TNPO3: variants seen among roughly 807,000 people sequenced by gnomAD.
TNPO3 encodes the protein transportin 3.
In TNPO3, 65 loss-of-function variants were observed where a neutral mutation model predicts 122.8. That is an observed-to-expected ratio of 0.53 (90% CI 0.43 to 0.65). TNPO3 has a LOEUF of 0.65. TNPO3 is among the 30% of genes least tolerant of loss of function. The pLI, the probability that TNPO3 is intolerant of heterozygous loss-of-function variation, is 0.00. For missense variants in TNPO3, 850 were observed against 1,136.7 expected (o/e 0.75, Z 3.63); for synonymous variants, 372 against 411.2 (o/e 0.90, Z 1.15).
intron 4 of TNPO3, among the ~76,000 whole-genome samples, chr7:129,013,434 CAAAAAAA>C (rs3993440): frequency 7.8e-6 from 1 of 127,702 alleles, no homozygotes; most frequent in Non-Finnish European, 1.6e-5. Context: ...CAAATAATAG[CAAAAAAA>C]AAAAAAAATT....
At chr7:129,034,860 ACTCCAGC>A (rs1806406886) in intron 1 of TNPO3, among the ~76,000 whole-genome samples, 1 of 139,128 alleles carries the variant, frequency 7.2e-6, no homozygotes, top group Non-Finnish European at 1.5e-5. Context: ...GCGCCACTGC[ACTCCAGC>A]CTGGGCAACA....
chr7:128,968,713 A>C (rs889399961), intron 20 of TNPO3, among the ~76,000 whole-genome samples: 1 of 152,120 alleles, frequency 6.6e-6, no homozygotes, highest in Non-Finnish European at 1.5e-5. Flanking sequence ...GTTATATAGC[A>C]AACTTTTTCT....
chr7:129,042,198 T>C (rs1170005929), intron 1 of TNPO3, among the ~76,000 whole-genome samples: 2 of 152,228 alleles, frequency 1.3e-5, no homozygotes, highest in African/African-American at 4.8e-5. Flanking sequence ...AATAAAGTTC[T>C]GGAAATACAG....
intron 1 of TNPO3, among the ~76,000 whole-genome samples, chr7:129,052,816 T>A (rs1410267114): frequency 6.6e-6 from 1 of 152,208 alleles, no homozygotes; most frequent in Non-Finnish European, 1.5e-5. Flanking sequence ...CAGGTTTAAT[T>A]AGAAAGAGAT....
At chr7:129,010,552 C>T (rs1282900145) in intron 4 of TNPO3, among the ~76,000 whole-genome samples, 2 of 152,106 alleles carry the variant, frequency 1.3e-5, no homozygotes, top group African/African-American at 4.8e-5. Flanking sequence ...ATTGAACATT[C>T]ATAAACTAAC....
chr7:129,016,939 T>C (rs1803920182), intron 3 of TNPO3, 44 bp downstream of exon 3: 1 of 1,566,930 alleles, frequency 6.4e-7, no homozygotes, highest in Non-Finnish European at 8.8e-7. Context: ...TGTAGGTTAA[T>C]GGCAATTCCA....
intron 21 of TNPO3, among the ~76,000 whole-genome samples, chr7:128,957,700 G>C (rs779562188): frequency 1.3e-5 from 2 of 152,158 alleles, no homozygotes; most frequent in Non-Finnish European, 2.9e-5. Context: ...ATAGAGCAGT[G>C]AACAAAATAG....
At chr7:129,011,867 T>C (rs1228719131) in intron 4 of TNPO3, among the ~76,000 whole-genome samples, 2 of 152,212 alleles carry the variant, frequency 1.3e-5, no homozygotes, top group Non-Finnish European at 2.9e-5. Flanking sequence ...GATCTCCAGA[T>C]GGTTTGAGTG....
At chr7:129,049,017 C>G (rs1808385487) in intron 1 of TNPO3, among the ~76,000 whole-genome samples, 1 of 152,202 alleles carries the variant, frequency 6.6e-6, no homozygotes, top group African/African-American at 2.4e-5. Flanking sequence ...GTTCTCTAGG[C>G]ATTCATTGGG....
intron 12 of TNPO3, among the ~76,000 whole-genome samples, chr7:128,984,840 C>T (rs966785665): frequency 2.6e-5 from 4 of 152,136 alleles, no homozygotes; most frequent in African/African-American, 4.8e-5. Flanking sequence ...AAAAAAGTTA[C>T]AAAAGCCTCC....
intron 7 of TNPO3, among the ~76,000 whole-genome samples, chr7:128,998,004 ATT>A (rs71162546): frequency 1.7e-4 from 22 of 129,396 alleles, no homozygotes; most frequent in Admixed American, 4.0e-4. Context: ...AGCTCAGCTA[ATT>A]TTTTTTTTTT....
intron 1 of TNPO3, among the ~76,000 whole-genome samples, chr7:129,044,752 G>A (rs371415170): frequency 6.6e-6 from 1 of 152,320 alleles, no homozygotes; most frequent in East Asian, 1.9e-4. Context: ...TTGTTTTTAA[G>A]TTTAACAGAG....
chr7:128,989,715 A>G (rs1446648240), intron 11 of TNPO3, among the ~76,000 whole-genome samples: 1 of 152,234 alleles, frequency 6.6e-6, no homozygotes, highest in Non-Finnish European at 1.5e-5. Flanking sequence ...TAAACAGAGT[A>G]CTAGAAGCAA....
chr7:128,989,111 AAAAG>A (rs1405690026), intron 11 of TNPO3, among the ~76,000 whole-genome samples: 1 of 152,136 alleles, frequency 6.6e-6, no homozygotes, highest in Non-Finnish European at 1.5e-5. Flanking sequence ...AACAACAAAA[AAAAG>A]AAATAGTACG....
Position 129,000,581 on chromosome 7 carries a change from G to C in TNPO3, c.873-14C>G, listed in dbSNP as rs1478615643. 1 of 1,608,966 alleles carries C rather than the reference G, an allele frequency of 6.2e-7. No individual in the cohort carries two copies. The highest frequency in any genetic ancestry group is 1.3e-5 in the African/African-American group (1 of 74,778). On this transcript the variant is annotated splice_polypyrimidine_tract_variant and intron_variant, in intron 6 of 22. Coordinates refer to ENST00000265388, the MANE Select transcript of TNPO3 (RefSeq NM_012470.4). The stretch of plus-strand genomic sequence containing the variant: ...TAATTCAGAACTCTGTAGAAGACAG[G>C]GGAATGAGAACAATGAGTCAGAAAT...
chr7:129,033,468 T>G (rs1428560036), intron 1 of TNPO3, among the ~76,000 whole-genome samples: 1 of 152,114 alleles, frequency 6.6e-6, no homozygotes, highest in Non-Finnish European at 1.5e-5. Context: ...TTATCAAGAA[T>G]GTGGAGAAAC....
intron 1 of TNPO3, among the ~76,000 whole-genome samples, chr7:129,022,329 G>A (rs1397311183): frequency 6.6e-6 from 1 of 151,942 alleles, no homozygotes; most frequent in African/African-American, 2.4e-5. Flanking sequence ...AGGTTATAGT[G>A]CACTATGATC....
rs537963455 is a variant in TNPO3 at position 129,037,715 on chromosome 7, G to T, written c.120+16936C>A. 4.6e-5 allele frequency among the ~76,000 whole-genome samples: 7 copies of T among 152,156 alleles called. No individual in the cohort carries two copies. In the South Asian group the frequency reaches 1.5e-3, roughly 32 times the overall value. Reference sequence around the variant, plus strand: ...ACAAAAGCCTTAGGCTACGGGGAGGGGGCAGCAAAGCATGTCACCCTCAAA... The same window carrying T: ...ACAAAAGCCTTAGGCTACGGGGAGGTGGCAGCAAAGCATGTCACCCTCAAA... On this transcript the variant is annotated intron_variant, in intron 1 of 22. Transcript: ENST00000265388.
chr7:129,017,815 T>C (rs189186089), intron 2 of TNPO3, 142 bp downstream of exon 2: 67 of 825,606 alleles, frequency 8.1e-5, no homozygotes, highest in Non-Finnish European at 1.2e-4. Context: ...ACAATTTCGT[T>C]TTCTATCCAC....
Sources: allele counts gnomAD v4.1 joint callset (sites outside exome capture counted in the v4.1 genomes callset), GRCh38; gene constraint gnomAD v4.1.1; transcripts MANE v1.5; gene names NCBI Gene and HGNC (gene_info 2026-07-23, HGNC 2026-07-21).